Variants in FRAS1 observed in about 807,000 individuals in gnomAD.
FRAS1 encodes the protein Fraser extracellular matrix complex subunit 1.
FRAS1 carries 290 observed loss-of-function variants against 435.2 expected under a neutral mutation model. That is an observed-to-expected ratio of 0.67 (90% CI 0.61 to 0.73). FRAS1 has a LOEUF of 0.73. FRAS1 is among the 30% of genes least tolerant of loss of function. The pLI, the probability that FRAS1 is intolerant of heterozygous loss-of-function variation, is 0.00. For missense variants in FRAS1, 4,860 were observed against 5,001.5 expected, an observed-to-expected ratio of 0.97 and a Z score of 0.85; for synonymous variants, 1,800 against 1,851.0, an observed-to-expected ratio of 0.97 and a Z score of 0.71.
chr4:78,469,952 G>GT lies in FRAS1; in HGVS notation c.7258-22dup, dbSNP rs368344901. ...TACTTCAGGTACTTGTGAATGATGA[G>GT]TTTTCTTTTCTGCCCTCCCCTTCAG... On this transcript the variant is annotated intron_variant, in intron 50 of 73. Coordinates refer to ENST00000512123, the MANE Select transcript of FRAS1 (RefSeq NM_025074.7). 8.3e-6 allele frequency: 13 copies of GT among 1,557,220 alleles called. No individual in the cohort carries two copies. The East Asian group carries it at 2.9e-4, about 35-fold the overall frequency.
intron 15 of FRAS1, among the ~76,000 whole-genome samples, chr4:78,313,917 A>G (rs1029033529): frequency 1.3e-5 from 2 of 152,192 alleles, no homozygotes; most frequent in Non-Finnish European, 2.9e-5. Flanking sequence ...GTGGCACAGG[A>G]CACCCACAGC....
intron 37 of FRAS1, among the ~76,000 whole-genome samples, chr4:78,431,502 G>A (rs560398130): frequency 2.4e-4 from 36 of 152,302 alleles, no homozygotes; most frequent in Middle Eastern, 3.4e-3. Context: ...AAGATGAATA[G>A]ACAGAATGAG....
chr4:78,267,023 G>A lies in FRAS1; in HGVS notation c.789+88G>A. ...TCTTATTCCGGTGTGTCCTTTGGGG[G>A]AATCAAAAGTTTTATAATGTTTGCA... On this transcript the variant is annotated intron_variant, in intron 8 of 73. Coordinates refer to ENST00000512123, the MANE Select transcript of FRAS1 (RefSeq NM_025074.7). 2 of 1,011,516 alleles carry A rather than the reference G, an allele frequency of 2.0e-6. 1 individual carries two copies. Among genetic ancestry groups the A allele is most frequent in the South Asian group, 3.0e-5 (2 of 67,292 alleles). The allele number at this position is 1,011,516 out of a possible 1,614,324, so 62.7% of individuals were successfully genotyped here.
chr4:78,306,916 G>A (rs907949159), intron 14 of FRAS1, among the ~76,000 whole-genome samples: 8 of 152,192 alleles, frequency 5.3e-5, no homozygotes, highest in South Asian at 2.1e-4. Context: ...GAGGAACTGC[G>A]TTCCTTTGGA....
At chr4:78,088,818 T>C (rs928246113) in intron 2 of FRAS1, among the ~76,000 whole-genome samples, 4 of 152,210 alleles carry the variant, frequency 2.6e-5, no homozygotes, top group South Asian at 4.1e-4. Context: ...GGGACACTTT[T>C]ACACTGTTGG....
chr4:78,482,237 GGC>G lies in FRAS1; in HGVS notation c.8605-150_8605-149del, dbSNP rs1578350664. 21 of 866,676 alleles carry G rather than the reference GGC, an allele frequency of 2.4e-5. No homozygotes were observed. In the East Asian group the frequency reaches 5.1e-4, roughly 21 times the overall value. 53.7% of individuals were successfully genotyped at this position (866,676 alleles called of 1,614,324 possible). On this transcript the variant is annotated intron_variant, in intron 57 of 73. Coordinates refer to ENST00000512123, the MANE Select transcript of FRAS1 (RefSeq NM_025074.7). ...AAACATCTAAAAACAAACTCCGAGT[GGC>G]ATGTAATAAAGAGATCATCATGTTA... is the stretch of plus-strand genomic sequence containing the variant.
chr4:78,430,952 AT>A (rs1453001981), intron 37 of FRAS1, among the ~76,000 whole-genome samples: 1 of 152,236 alleles, frequency 6.6e-6, no homozygotes, highest in Non-Finnish European at 1.5e-5. Context: ...ATTATAAAAA[AT>A]AATATATGTT....
chr4:78,317,245 C>T lies in FRAS1; in HGVS notation c.1820-123C>T. ...GTGTAACCACCTCCTAACACATTTT[C>T]CCCTTGGTTTGGTGTGACATCCACA... On this transcript the variant is annotated intron_variant, in intron 16 of 73. Coordinates refer to ENST00000512123, the MANE Select transcript of FRAS1 (RefSeq NM_025074.7). The T allele has an allele frequency of 2.8e-6, 3 of 1,078,906 alleles. No individual in the cohort carries two copies. The South Asian group carries it at 4.2e-5, about 15-fold the overall frequency. The allele number at this position is 1,078,906 out of a possible 1,614,324, so 66.8% of individuals were successfully genotyped here.
chr4:78,192,627 G>C (rs1267136253), intron 2 of FRAS1, among the ~76,000 whole-genome samples: 1 of 152,078 alleles, frequency 6.6e-6, no homozygotes, highest in African/African-American at 2.4e-5. Context: ...TATCCCCTTT[G>C]TCATTTTTTA....
At chr4:78,156,927 G>A (rs1720913027) in intron 2 of FRAS1, among the ~76,000 whole-genome samples, 1 of 152,080 alleles carries the variant, frequency 6.6e-6, no homozygotes, top group African/African-American at 2.4e-5. Context: ...GCTGCTCAGG[G>A]TCAGGATGCC....
chr4:78,525,334 G>C (rs1298700896), intron 69 of FRAS1, among the ~76,000 whole-genome samples: 1 of 152,166 alleles, frequency 6.6e-6, no homozygotes, highest in South Asian at 2.1e-4. Context: ...CTCATTTCCT[G>C]CTGATCCAAG....
At chr4:78,476,969 A>G (rs1247714857) in intron 54 of FRAS1, among the ~76,000 whole-genome samples, 4 of 127,622 alleles carry the variant, frequency 3.1e-5, no homozygotes, top group African/African-American at 1.2e-4. Context: ...TCACTTGAAG[A>G]TTTTTAATTT....
chr4:78,175,471 G>A (rs1215030117), intron 2 of FRAS1, among the ~76,000 whole-genome samples: 1 of 152,116 alleles, frequency 6.6e-6, no homozygotes, highest in African/African-American at 2.4e-5. Flanking sequence ...TAATGCTCCA[G>A]CAGGAAGGTC....
rs373649387 is a variant in FRAS1 at position 78,472,236 on chromosome 4, C to T, written c.7428C>T (p.Asp2476=). ...ELLTMDPDTE[D]AQLVYEITTG... ...TGACCATGGACCCAGACACCGAGGA[C>T]GCGCAGCTTGTCTATGAGATAACGA... Residue 2476 remains aspartate, a synonymous_variant, in exon 52 of 74, where the codon GAC becomes GAT. Transcript: ENST00000512123. 17 of 1,613,784 alleles carry T rather than the reference C, an allele frequency of 1.1e-5. No individual in the cohort carries two copies. Among genetic ancestry groups the T allele is most frequent in the Admixed American group, 5.0e-5 (3 of 60,004 alleles).
intron 66 of FRAS1, among the ~76,000 whole-genome samples, chr4:78,516,916 A>G (rs1721232315): frequency 6.6e-6 from 1 of 152,240 alleles, no homozygotes; most frequent in Non-Finnish European, 1.5e-5. Flanking sequence ...GAGCCAAACC[A>G]TATCAATTAG....
rs527309830 is a variant in FRAS1 at position 78,244,368 on chromosome 4, TCTC to T, written c.217-862_217-860del. On this transcript the variant is annotated intron_variant, in intron 3 of 73. Transcript: ENST00000512123. ...TCATGATTTCCTGGCTAATGTAGGA[TCTC>T]CTACCATTTTTGGTCAAAATCACTA... 6.0e-4 allele frequency among the ~76,000 whole-genome samples: 91 copies of T among 152,300 alleles called. 2 individuals are homozygous for T. The South Asian group carries it at 0.018, about 30-fold the overall frequency.
At chr4:78,279,288 T>C (rs1282878923) in intron 10 of FRAS1, among the ~76,000 whole-genome samples, 1 of 152,236 alleles carries the variant, frequency 6.6e-6, no homozygotes, top group African/African-American at 2.4e-5. Flanking sequence ...GAGAAAGGCA[T>C]TGGCCATGAG....
intron 1 of FRAS1, among the ~76,000 whole-genome samples, chr4:78,060,104 C>G (rs1739689085): frequency 6.6e-6 from 1 of 152,026 alleles, no homozygotes. Context: ...ATTTATTGAG[C>G]AGGTATTGTT....
At position 78,284,320 on chromosome 4, in the gene FRAS1, A is replaced by G; in HGVS notation, c.1256-85A>G. 11 of 1,408,524 alleles carry G rather than the reference A, an allele frequency of 7.8e-6. No homozygotes were observed. The South Asian group carries it at 1.2e-4, about 15-fold the overall frequency. 87.3% of individuals were successfully genotyped at this position (1,408,524 alleles called of 1,614,324 possible). A position where few individuals can be genotyped will look rare whatever the true frequency, so the allele number is the denominator to read the frequency against. On this transcript the variant is annotated intron_variant, in intron 12 of 73. Coordinates refer to ENST00000512123, the MANE Select transcript of FRAS1 (RefSeq NM_025074.7). Reference sequence around the variant, plus strand: ...CTTCATGTTCTATGTAATGCTACATACTTTGTAGATTCTTTTCTGAAGGAT... The same window carrying G: ...CTTCATGTTCTATGTAATGCTACATGCTTTGTAGATTCTTTTCTGAAGGAT...
Sources: gnomAD v4.1 joint callset for allele counts (sites outside exome capture counted in the v4.1 genomes callset) on GRCh38, gnomAD v4.1.1 for gene constraint, MANE v1.5 for transcripts, NCBI Gene and HGNC (gene_info 2026-07-23, HGNC 2026-07-21) for gene names.